Variants in RTTN observed in about 807,000 individuals in gnomAD.
RTTN encodes the protein rotatin.
Under a neutral mutation model 269.2 loss-of-function variants are expected in RTTN, and 182 were observed. The observed-to-expected ratio is 0.68, with a 90% CI of 0.60 to 0.76. The LOEUF (loss-of-function observed/expected upper bound fraction) is 0.76, where lower values mean the gene tolerates loss of function less well. RTTN is among the 30% of genes least tolerant of loss of function. The pLI is 0.00. For missense variants in RTTN, 2,545 were observed against 2,608.6 expected (o/e 0.98, Z 0.53); for synonymous variants, 1,006 against 963.5 (o/e 1.04, Z -0.82).
intron 22 of RTTN, 54 bp from the exon 23 acceptor site, chr18:70,134,595 T>C: frequency 7.8e-7 from 1 of 1,287,918 alleles, no homozygotes; most frequent in Non-Finnish European, 1.1e-6. Flanking sequence ...GACCAAGTTT[T>C]GTCTAACAAA....
Position 70,142,287 on chromosome 18 carries a change from C to T in RTTN, c.2581+1G>A. The T allele has an allele frequency of 1.3e-6, 2 of 1,567,968 alleles. No individual in the cohort carries two copies. The highest frequency in any genetic ancestry group is 8.8e-7 in the Non-Finnish European group (1 of 1,140,156). ...CAATCATTTCCCTTAAAAGACATTA[C>T]CTTGCATAATCACAGCTAACTGTTC... On this transcript the variant is annotated splice_donor_variant, in intron 19 of 48. Coordinates refer to ENST00000640769, the MANE Select transcript of RTTN (RefSeq NM_173630.4). LOFTEE classifies it high-confidence loss of function.
chr18:70,158,338 G>A (rs367846503), intron 14 of RTTN, among the ~76,000 whole-genome samples: 6 of 152,148 alleles, frequency 3.9e-5, no homozygotes, highest in African/African-American at 9.7e-5. Context: ...TTCATATCCA[G>A]CCAAGCTAAG....
chr18:70,184,710 T>TGTGTG (rs1427052940), intron 10 of RTTN, among the ~76,000 whole-genome samples: 11 of 57,108 alleles, frequency 1.9e-4, no homozygotes, highest in African/African-American at 7.4e-4. Flanking sequence ...CAGGTTTTTT[T>TGTGTG]TTTTTTTGTG....
chr18:70,149,711 C>T (rs1456230881), intron 16 of RTTN, among the ~76,000 whole-genome samples: 1 of 152,064 alleles, frequency 6.6e-6, no homozygotes, highest in Non-Finnish European at 1.5e-5. Context: ...CTATTTTTCA[C>T]AGTCAATGCT....
intron 23 of RTTN, among the ~76,000 whole-genome samples, chr18:70,132,971 C>T (rs2145656691): frequency 6.6e-6 from 1 of 152,224 alleles, no homozygotes; most frequent in African/African-American, 2.4e-5. Context: ...CAAGAATTTA[C>T]TAAGCTGCTT....
At chr18:70,093,454 T>G (rs1218365082) in intron 28 of RTTN, among the ~76,000 whole-genome samples, 1 of 152,204 alleles carries the variant, frequency 6.6e-6, no homozygotes, top group Non-Finnish European at 1.5e-5. Context: ...CAAATAGGTC[T>G]TATTATTTTG....
Position 70,109,461 on chromosome 18 carries a change from T to C in RTTN, c.3903+37A>G, listed in dbSNP as rs1233298660. On this transcript the variant is annotated intron_variant, in intron 28 of 48. Transcript: ENST00000640769. ...TGGCCTGGCATAAAGTAAAAGCAAC[T>C]AATAGTAAATAACTACCATATGCTA... The C allele has an allele frequency of 1.9e-6, 3 of 1,538,888 alleles. No individual in the cohort carries two copies. In the Admixed American group the frequency reaches 5.0e-5, roughly 26 times the overall value.
chr18:70,026,218 C>A (rs537348042), intron 43 of RTTN, among the ~76,000 whole-genome samples: 2 of 152,272 alleles, frequency 1.3e-5, no homozygotes, highest in Admixed American at 1.3e-4. Flanking sequence ...CTATATGTCT[C>A]TTAATTTCCC....
chr18:70,167,002 C>T lies in RTTN; in HGVS notation c.1719G>A (p.Glu573=). The T allele has an allele frequency of 6.2e-7, 1 of 1,613,170 alleles. No homozygotes were observed. Among genetic ancestry groups the T allele is most frequent in the Non-Finnish European group, 8.5e-7 (1 of 1,179,310 alleles). Reference sequence around the variant, plus strand: ...AGCTACGCAAGGCTTGGTCTGCCAGCTCCACTAATTCTAAGAGATTCTTCT... The same window carrying T: ...AGCTACGCAAGGCTTGGTCTGCCAGTTCCACTAATTCTAAGAGATTCTTCT... The part of the protein sequence containing the change: ...EGEKNLLELV[E]LADQALRSFS... The change falls in exon 13 of 49, where the codon GAG becomes GAA. Residue 573 remains glutamate, a synonymous_variant. Transcript: ENST00000640769.
chr18:70,114,394 A>G, intron 27 of RTTN, 51 bp downstream of exon 27: 1 of 1,526,254 alleles, frequency 6.6e-7, no homozygotes, highest in Non-Finnish European at 8.8e-7. Flanking sequence ...AATCAAAGAA[A>G]ACTTGGGTTC....
intron 14 of RTTN, among the ~76,000 whole-genome samples, chr18:70,154,570 C>CTTGTTCA (rs2060624539): frequency 6.6e-6 from 1 of 152,112 alleles, no homozygotes; most frequent in Non-Finnish European, 1.5e-5. Context: ...ACTTGTTCTA[C>CTTGTTCA]CTCTAAAATC....
rs140457684 is a variant in RTTN at position 70,157,202 on chromosome 18, G to A, written c.1930-6469C>T. Among the ~76,000 whole-genome samples the A allele has an allele frequency of 2.9e-3, 446 of 152,120 alleles. 1 individual carries two copies. Among genetic ancestry groups the A allele is most frequent in the African/African-American group, 9.9e-3 (409 of 41,490 alleles). Reference sequence around the variant, plus strand: ...CCACGCCCCCCCAGAGCACTTTCTCGGGCAGTCACCATCGGAAAGTTGTTG... The same window carrying A: ...CCACGCCCCCCCAGAGCACTTTCTCAGGCAGTCACCATCGGAAAGTTGTTG... On this transcript the variant is annotated intron_variant, in intron 14 of 48. Coordinates refer to ENST00000640769, the MANE Select transcript of RTTN (RefSeq NM_173630.4).
At chr18:70,108,861 T>C (rs1469546532) in intron 28 of RTTN, among the ~76,000 whole-genome samples, 3 of 42,390 alleles carry the variant, frequency 7.1e-5, no homozygotes, top group East Asian at 9.6e-3. Flanking sequence ...TCTTTCTTAA[T>C]TGACAAAAAA....
chr18:70,142,228 A>G, intron 19 of RTTN, 60 bp downstream of exon 19: 2 of 1,104,118 alleles, frequency 1.8e-6, no homozygotes, highest in Middle Eastern at 2.0e-4. Flanking sequence ...CCAGTACCAT[A>G]TGGCAATCTA....
At chr18:70,127,447 C>T in intron 25 of RTTN, 55 bp downstream of exon 25, 1 of 1,585,860 alleles carries the variant, frequency 6.3e-7, no homozygotes, top group Non-Finnish European at 8.6e-7. Flanking sequence ...AGGAGATGAA[C>T]ACAATACAAT....
intron 21 of RTTN, among the ~76,000 whole-genome samples, chr18:70,136,425 ATAAATT>A (rs68083757): frequency 0.81 from 122,622 of 150,988 alleles, 52,993 homozygotes; most frequent in East Asian, 1. Flanking sequence ...ATAATAATAA[ATAAATT>A]TAAAGGATAG....
chr18:70,074,064 G>A (rs1305676734), intron 33 of RTTN, 70 bp from the exon 34 acceptor site: 5 of 1,082,736 alleles, frequency 4.6e-6, no homozygotes, highest in Middle Eastern at 2.1e-4. Flanking sequence ...AAAAGGGTAC[G>A]CATTACAGGA....
chr18:70,057,293 T>C (rs931553017), intron 37 of RTTN, among the ~76,000 whole-genome samples: 3 of 152,242 alleles, frequency 2.0e-5, no homozygotes, highest in African/African-American at 7.2e-5. Flanking sequence ...TAAAACTAAA[T>C]ATCTGTGAAG....
chr18:70,161,593 A>G (rs2060832453), intron 14 of RTTN, among the ~76,000 whole-genome samples: 1 of 152,178 alleles, frequency 6.6e-6, no homozygotes, highest in Non-Finnish European at 1.5e-5. Context: ...ATATTTGCAA[A>G]CTATGCATGT....
Sources: allele counts gnomAD v4.1 joint callset (sites outside exome capture counted in the v4.1 genomes callset), GRCh38; gene constraint gnomAD v4.1.1; transcripts MANE v1.5; gene names NCBI Gene and HGNC (gene_info 2026-07-23, HGNC 2026-07-21).